The following CCDC38 variants were observed in gnomAD, a reference collection of about 807,000 sequenced individuals.
CCDC38 encodes the protein coiled-coil domain containing 38.
CCDC38 carries 69 observed loss-of-function variants against 72.8 expected under a neutral mutation model. The ratio of observed to expected loss-of-function variants is 0.95; its 90% CI spans 0.78 to 1.16. CCDC38 has a LOEUF of 1.16. CCDC38 is among the 50% of genes most tolerant of loss of function. CCDC38 has a pLI of 0.00. For synonymous variants in CCDC38, 201 were observed against 213.2 expected (o/e 0.94, Z 0.50); for missense variants, 626 against 638.9 (o/e 0.98, Z 0.22).
intron 4 of CCDC38, among the ~76,000 whole-genome samples, chr12:95,907,579 A>G (rs60151264): frequency 0.48 from 51,587 of 106,758 alleles, 14,960 homozygotes; most frequent in African/African-American, 0.73. Context: ...CAGGCGGGGG[A>G]CTGACACCCC....
chr12:95,918,946 T>C lies in CCDC38; in HGVS notation c.68A>G (p.Asp23Gly). ...TCTGAAAAAGATCTTATAAGGCCTG[T>C]CCTCTTTGGTTGAGCCATCTTTTAC... ...GKVKDGSTKE[D>G]RPYKIFFRDL... The change falls in exon 3 of 16, where the codon GAC (aspartate) becomes GGC (glycine). Residue 23 changes from aspartate to glycine, a missense_variant. Asp to Gly is a moderately conservative substitution (Grantham distance 94). Transcript: ENST00000344280. 6.2e-7 allele frequency: 1 copy of C among 1,610,848 alleles called. No individual in the cohort carries two copies. Among genetic ancestry groups the C allele is most frequent in the Non-Finnish European group, 8.5e-7 (1 of 1,177,430 alleles).
intron 5 of CCDC38, among the ~76,000 whole-genome samples, chr12:95,899,724 C>T (rs1592776520): frequency 6.6e-6 from 1 of 151,874 alleles, no homozygotes; most frequent in East Asian, 1.9e-4. Context: ...ATAATTAGAC[C>T]CTCCAAGTTT....
chr12:95,908,549 G>C (rs1592785250), intron 4 of CCDC38, among the ~76,000 whole-genome samples: 1 of 2 alleles, frequency 0.5, no homozygotes, highest in African/African-American at 0.5. Context: ...GAGAGGGAGA[G>C]GGAGAGGGAG....
At chr12:95,894,909 A>G in intron 8 of CCDC38, 80 bp downstream of exon 8, 2 of 1,154,630 alleles carry the variant, frequency 1.7e-6, no homozygotes, top group Non-Finnish European at 2.4e-6. Flanking sequence ...AAAAATATCT[A>G]TTTAGATAAA....
At chr12:95,904,806 C>T (rs973043154) in intron 5 of CCDC38, among the ~76,000 whole-genome samples, 2 of 152,168 alleles carry the variant, frequency 1.3e-5, no homozygotes, top group African/African-American at 4.8e-5. Context: ...GGGCAGCCTC[C>T]ACCCTAAGAC....
intron 10 of CCDC38, 119 bp from the exon 11 acceptor site, chr12:95,881,673 C>G (rs117020839): frequency 1.5e-6 from 1 of 666,866 alleles, no homozygotes; most frequent in Non-Finnish European, 2.5e-6. Context: ...TTTTCAATAG[C>G]AGGTTTAGCC....
chr12:95,878,280 T>G lies in CCDC38; in HGVS notation c.1209A>C (p.Glu403Asp), dbSNP rs1365887847. ...KMLKANCVRE[E>D]EKAAELQLKS... ...TTAATTGCAATTCTGCTGCTTTCTC[T>G]TCTTCTCTCACACAGTTAGCTTTAA... The change falls in exon 13 of 16, where the codon GAA becomes GAC. Residue 403 changes from glutamate to aspartate, a missense_variant. Coordinates refer to ENST00000344280, the MANE Select transcript of CCDC38 (RefSeq NM_182496.3). The G allele has an allele frequency of 1.2e-6, 2 of 1,613,592 alleles. No homozygotes were observed. The highest frequency in any genetic ancestry group is 2.7e-5 in the African/African-American group (2 of 74,926).
chr12:95,874,819 G>A (rs556433724), intron 13 of CCDC38, among the ~76,000 whole-genome samples: 68 of 152,296 alleles, frequency 4.5e-4, no homozygotes, highest in African/African-American at 1.4e-3. Context: ...GTATCAAAAC[G>A]GGAGAGGGGA....
At chr12:95,926,362 G>T (rs1269238687) in intron 2 of CCDC38, among the ~76,000 whole-genome samples, 1 of 152,122 alleles carries the variant, frequency 6.6e-6, no homozygotes, top group African/African-American at 2.4e-5. Flanking sequence ...ATGGTAGTTT[G>T]TATTTCTGTG....
At chr12:95,882,180 T>G (rs2079707916) in intron 10 of CCDC38, among the ~76,000 whole-genome samples, 1 of 152,062 alleles carries the variant, frequency 6.6e-6, no homozygotes, top group Non-Finnish European at 1.5e-5. Flanking sequence ...GAAGCAGGGA[T>G]AGGGAGAGAG....
chr12:95,870,348 C>T (rs1038241552), intron 14 of CCDC38, among the ~76,000 whole-genome samples: 1 of 152,122 alleles, frequency 6.6e-6, no homozygotes, highest in Non-Finnish European at 1.5e-5. Flanking sequence ...ATCTGTGCAA[C>T]TTATCAAGTA....
chr12:95,914,764 C>T (rs962018769), intron 4 of CCDC38, among the ~76,000 whole-genome samples: 12 of 152,012 alleles, frequency 7.9e-5, no homozygotes, highest in African/African-American at 2.9e-4. Context: ...ATAATAGCCA[C>T]CCCCGCTCCT....
intron 2 of CCDC38, among the ~76,000 whole-genome samples, chr12:95,924,287 T>C (rs2080243837): frequency 2.0e-5 from 3 of 147,342 alleles, no homozygotes; most frequent in Admixed American, 6.8e-5. Flanking sequence ...ATTTCCCTGA[T>C]GGCCAGTGAT....
intron 9 of CCDC38, among the ~76,000 whole-genome samples, chr12:95,890,042 G>T (rs2079806882): frequency 6.6e-6 from 1 of 152,104 alleles, no homozygotes; most frequent in Non-Finnish European, 1.5e-5. Context: ...CTCCTCAGCA[G>T]CTGGGACTAT....
In CCDC38 at chr12:95,879,623, T is replaced by TA. The variant is rs1460822135; in HGVS notation, c.1142+20dup. ...TAGAAATTGCTTAATGGAATAAATC[T>TA]ACTTGTTTATAATGACTTACGTTTT... On this transcript the variant is annotated intron_variant, in intron 12 of 15. Transcript: ENST00000344280. The surrounding 1 kb of genome is among the most constrained non-coding windows in gnomAD (Gnocchi z 5.5). 6.5e-7 allele frequency: 1 copy of TA among 1,529,374 alleles called. No individual in the cohort carries two copies. The highest frequency in any genetic ancestry group is 1.2e-5 in the South Asian group (1 of 84,454). The allele number at this position is 1,529,374 out of a possible 1,614,324, so 94.7% of individuals were successfully genotyped here.
chr12:95,896,070 A>AG (rs1241480794), intron 7 of CCDC38, among the ~76,000 whole-genome samples: 2 of 148,782 alleles, frequency 1.3e-5, no homozygotes, highest in African/African-American at 5.2e-5. Flanking sequence ...AAAAAAAAAA[A>AG]AAAAAGAAAG....
At chr12:95,910,141 C>T (rs1166030362) in intron 4 of CCDC38, among the ~76,000 whole-genome samples, 1 of 152,058 alleles carries the variant, frequency 6.6e-6, no homozygotes, top group Non-Finnish European at 1.5e-5. Flanking sequence ...TGGTTCGATA[C>T]CTAAAAAACC....
At chr12:95,930,033 C>T (rs1269171121) in intron 2 of CCDC38, among the ~76,000 whole-genome samples, 1 of 152,106 alleles carries the variant, frequency 6.6e-6, no homozygotes, top group Non-Finnish European at 1.5e-5. Context: ...AGGGTGGTCT[C>T]ATCTTGAGAT....
upstream of CCDC38, chr12:95,942,634 C>G (rs2080466152): frequency 6.6e-6 from 1 of 152,372 alleles, no homozygotes; most frequent in Non-Finnish European, 1.5e-5. Context: ...GCCACCCGCG[C>G]GGACCCAGGA....
Sources: allele counts gnomAD v4.1 joint callset (sites outside exome capture counted in the v4.1 genomes callset), GRCh38; gene constraint gnomAD v4.1.1; non-coding constraint Gnocchi (gnomAD v3.1); transcripts MANE v1.5; gene names NCBI Gene and HGNC (gene_info 2026-07-23, HGNC 2026-07-21).